The following DCHS2 variants were observed in gnomAD, a reference collection of about 807,000 sequenced individuals.
The protein encoded by DCHS2 is dachsous cadherin-related 2, also known as protocadherin-23.
DCHS2 carries 142 observed loss-of-function variants against 182.4 expected under a neutral mutation model. The observed-to-expected ratio is 0.78, with a 90% CI of 0.68 to 0.89. The LOEUF is 0.89. Among genes scored for constraint, DCHS2 ranks in the 40% least tolerant of loss-of-function variants. DCHS2 has a pLI of 0.00. For missense variants in DCHS2, 4,319 were observed against 4,198.6 expected (o/e 1.03, Z -0.79); for synonymous variants, 1,740 against 1,663.3 (o/e 1.05, Z -1.12).
chr4:154,442,719 C>T (rs1734090208), intron 1 of DCHS2, among the ~76,000 whole-genome samples: 1 of 152,110 alleles, frequency 6.6e-6, no homozygotes, highest in African/African-American at 2.4e-5. Flanking sequence ...CCCTTTAAGG[C>T]ACATGTCATC....
chr4:154,351,650 C>A (rs531498438), intron 3 of DCHS2, among the ~76,000 whole-genome samples: 4 of 152,148 alleles, frequency 2.6e-5, no homozygotes, highest in Non-Finnish European at 5.9e-5. Context: ...ACAGGGCTGG[C>A]GGGGGAATGG....
At chr4:154,297,003 CA>C (rs1297553991) in intron 13 of DCHS2, among the ~76,000 whole-genome samples, 1 of 152,050 alleles carries the variant, frequency 6.6e-6, no homozygotes, top group Non-Finnish European at 1.5e-5. Context: ...AATTTGAAAG[CA>C]AAAAATGAAC....
intron 1 of DCHS2, among the ~76,000 whole-genome samples, chr4:154,461,977 C>A (rs1259164314): frequency 5.3e-5 from 8 of 152,094 alleles, no homozygotes; most frequent in Admixed American, 2.0e-4. Flanking sequence ...TTAAACTTAT[C>A]AAAAGCACAA....
chr4:154,456,329 C>T (rs1734764160), intron 1 of DCHS2, among the ~76,000 whole-genome samples: 3 of 152,136 alleles, frequency 2.0e-5, no homozygotes, highest in Non-Finnish European at 2.9e-5. Context: ...TATTGAGCCT[C>T]TTTTATTTAT....
chr4:154,298,200 C>T lies in DCHS2; in HGVS notation c.6114G>A (p.Leu2038=), dbSNP rs1265819165. The T allele has an allele frequency of 6.2e-7, 1 of 1,614,042 alleles. No homozygotes were observed. The highest frequency in any genetic ancestry group is 1.7e-5 in the Admixed American group (1 of 60,004). The part of the protein sequence containing the change: ...VTDVNDNDPV[L]EQNPFDVFLS... ...GAAACACATCAAAAGGGTTCTGTTCCAAAACTGGATCATTGTCATTAACAT... is the reference window on the plus strand; with the variant it reads ...GAAACACATCAAAAGGGTTCTGTTCTAAAACTGGATCATTGTCATTAACAT... The change falls in exon 13 of 20, where the codon TTG becomes TTA. Residue 2038 remains leucine (L), a synonymous_variant. Coordinates refer to ENST00000357232, the MANE Select transcript of DCHS2 (RefSeq NM_001358235.2).
chr4:154,445,954 A>C (rs901539728), intron 1 of DCHS2, among the ~76,000 whole-genome samples: 2 of 152,242 alleles, frequency 1.3e-5, no homozygotes, highest in Non-Finnish European at 2.9e-5. Context: ...AATGACTTCA[A>C]AATCTCTCAG....
rs578113432 is a variant in DCHS2, at chr4:154,422,081, C to T, written c.2053-44637G>A. Among the ~76,000 whole-genome samples the T allele has an allele frequency of 9.2e-5, 14 of 152,284 alleles. No homozygotes were observed. The South Asian group carries it at 2.9e-3, about 32-fold the overall frequency. ...AATACTCTTGATTTTCTTCCTACTTCTCTAAATATCCTTTTTCAGTCTCCT... is the reference window on the plus strand; with the variant it reads ...AATACTCTTGATTTTCTTCCTACTTTTCTAAATATCCTTTTTCAGTCTCCT... On this transcript the variant is annotated intron_variant, in intron 1 of 19. Coordinates refer to ENST00000357232, the MANE Select transcript of DCHS2 (RefSeq NM_001358235.2).
intron 3 of DCHS2, among the ~76,000 whole-genome samples, chr4:154,357,487 A>G (rs1729928619): frequency 6.6e-6 from 1 of 152,190 alleles, no homozygotes; most frequent in Non-Finnish European, 1.5e-5. Flanking sequence ...CCCTTGGATG[A>G]GAGTAAAATG....
chr4:154,486,433 T>G lies in DCHS2; in HGVS notation c.2052+2871A>C. 2.3e-6 allele frequency: 3 copies of G among 1,304,698 alleles called. 1 individual carries two copies. In the South Asian group the frequency reaches 3.7e-5, roughly 16 times the overall value. The allele number at this position is 1,304,698 out of a possible 1,614,324, so 80.8% of individuals were successfully genotyped here. ...TTTATCAGATGACATGGTATTATCT[T>G]ACAGGAAATCTAGGCAAGATTTTGT... is the stretch of plus-strand genomic sequence containing the variant. On this transcript the variant is annotated intron_variant, in intron 1 of 19. Coordinates refer to ENST00000357232, the MANE Select transcript of DCHS2 (RefSeq NM_001358235.2).
In DCHS2 at chr4:154,360,913, G is replaced by A. The variant is rs148288305; in HGVS notation, c.2476+5297C>T. ...AACAGACAAAGGCTAAGCCACATAA[G>A]CTTGTTGCTGTAAGTGCTACAAGAG... On this transcript the variant is annotated intron_variant, in intron 3 of 19. Coordinates refer to ENST00000357232, the MANE Select transcript of DCHS2 (RefSeq NM_001358235.2). 4.9e-4 allele frequency among the ~76,000 whole-genome samples: 74 copies of A among 152,224 alleles called. No individual in the cohort carries two copies. In the Middle Eastern group the frequency reaches 0.027, roughly 56 times the overall value.
intron 1 of DCHS2, among the ~76,000 whole-genome samples, chr4:154,457,345 G>T (rs191316879): frequency 6.6e-6 from 1 of 152,068 alleles, no homozygotes; most frequent in East Asian, 1.9e-4. Context: ...CCATCAAGTC[G>T]TGCAAATCAT....
intron 13 of DCHS2, among the ~76,000 whole-genome samples, chr4:154,288,294 T>C (rs1734499850): frequency 6.6e-6 from 1 of 152,124 alleles, no homozygotes; most frequent in South Asian, 2.1e-4. Context: ...TCATATACAA[T>C]AGATTTCAAC....
intron 9 of DCHS2, among the ~76,000 whole-genome samples, chr4:154,318,402 C>T (rs1735937128): frequency 6.6e-6 from 1 of 151,772 alleles, no homozygotes; most frequent in African/African-American, 2.4e-5. Context: ...AAATGAAAGT[C>T]ATCCAAATCA....
rs766778255 is a variant in DCHS2 at position 154,304,890 on chromosome 4, C to CT, written c.5396-13_5396-12insA. On this transcript the variant is annotated splice_polypyrimidine_tract_variant and intron_variant, in intron 11 of 19. Transcript: ENST00000357232. The stretch of plus-strand genomic sequence containing the variant: ...ATCTCGTACTAGTACTGACACAGAA[C>CT]ACAAAGACGGTATGAATTGTGGCCT... 3.8e-6 allele frequency: 6 copies of CT among 1,595,048 alleles called. No homozygotes were observed. The African/African-American group carries it at 6.7e-5, about 18-fold the overall frequency.
rs149408596 is a variant in DCHS2 at position 154,322,459 on chromosome 4, C to T, written c.4048G>A (p.Ala1350Thr). 46 of 1,613,122 alleles carry T rather than the reference C, an allele frequency of 2.9e-5. No homozygotes were observed. The African/African-American group carries it at 3.6e-4, about 13-fold the overall frequency. ...EDSSDHFKID[A>T]NNGEIRTTTI... ...GTTGTTCTTATTTCACCATTGTTGGCGTCAATCTTAAAGTGATCAGAACTA... is the reference window on the plus strand; with the variant it reads ...GTTGTTCTTATTTCACCATTGTTGGTGTCAATCTTAAAGTGATCAGAACTA... The change falls in exon 8 of 20, where the codon GCC becomes ACC. Residue 1350 changes from alanine to threonine, a missense_variant. Ala to Thr is a moderately conservative substitution (Grantham distance 58). Coordinates refer to ENST00000357232, the MANE Select transcript of DCHS2 (RefSeq NM_001358235.2).
At chr4:154,331,457 G>A in intron 5 of DCHS2, 1 of 1,048,742 alleles carries the variant, frequency 9.5e-7, no homozygotes, top group Non-Finnish European at 1.4e-6. Context: ...CCATATAGCT[G>A]TATGGTTTGT....
At chr4:154,378,337 T>C (rs1362227159) in intron 1 of DCHS2, among the ~76,000 whole-genome samples, 1 of 151,928 alleles carries the variant, frequency 6.6e-6, no homozygotes, top group African/African-American at 2.4e-5. Context: ...TGATAGATAA[T>C]GCTTTTAATT....
intron 3 of DCHS2, among the ~76,000 whole-genome samples, chr4:154,347,767 T>C (rs980436900): frequency 6.6e-6 from 1 of 151,854 alleles, no homozygotes; most frequent in Non-Finnish European, 1.5e-5. Context: ...CTGCAAAGCA[T>C]GCATAGGAAG....
At chr4:154,338,105 G>A (rs1489537585) in intron 3 of DCHS2, among the ~76,000 whole-genome samples, 2 of 152,026 alleles carry the variant, frequency 1.3e-5, no homozygotes, top group African/African-American at 4.8e-5. Context: ...TCTCCACTTA[G>A]CTCTAGCTAC....
Sources: gnomAD v4.1 joint callset for allele counts (sites outside exome capture counted in the v4.1 genomes callset) on GRCh38, gnomAD v4.1.1 for gene constraint, MANE v1.5 for transcripts, NCBI Gene and HGNC (gene_info 2026-07-23, HGNC 2026-07-21) for gene names.